Variants in PLAG1 observed in about 807,000 individuals in gnomAD.
PLAG1 encodes the protein PLAG1 zinc finger, also known as zinc finger protein PLAG1.
A neutral mutation model predicts 35.5 loss-of-function variants in PLAG1; 7 were observed. The ratio of observed to expected loss-of-function variants is 0.20; its 90% CI spans 0.11 to 0.37. The LOEUF is 0.37. Among genes scored for constraint, PLAG1 ranks in the 10% least tolerant of loss-of-function variants. The probability of loss-of-function intolerance (pLI) is 1.00; values close to 1 mark genes in which losing one functional copy is unlikely to be tolerated. For missense variants in PLAG1, 454 were observed against 602.8 expected, an observed-to-expected ratio of 0.75 and a Z score of 2.58; for synonymous variants, 229 against 225.4, an observed-to-expected ratio of 1.02 and a Z score of -0.14.
chr8:56,167,522 T>C lies in PLAG1; in HGVS notation c.243-19A>G, dbSNP rs1811397071. On this transcript the variant is annotated intron_variant, in intron 4 of 4. Coordinates refer to ENST00000316981, the MANE Select transcript of PLAG1 (RefSeq NM_002655.3). The surrounding 1 kb of genome is among the most constrained non-coding windows in gnomAD (Gnocchi z 5.9). ...CATGTGCCTTTAAACACAGATATAA[T>C]CTATAAGTAGTTATTATGACAAAAA... 2.0e-6 allele frequency: 3 copies of C among 1,523,688 alleles called. No individual in the cohort carries two copies. Among genetic ancestry groups the C allele is most frequent in the Non-Finnish European group, 1.8e-6 (2 of 1,112,948 alleles). The allele number at this position is 1,523,688 out of a possible 1,614,324, so 94.4% of individuals were successfully genotyped here.
chr8:56,200,585 T>G (rs1812519298), intron 1 of PLAG1, among the ~76,000 whole-genome samples: 1 of 152,216 alleles, frequency 6.6e-6, no homozygotes. Flanking sequence ...TGCACATTCC[T>G]CAGGCTGGTA....
At position 56,202,358 on chromosome 8, in the gene PLAG1, A is replaced by C. The variant is rs576281737; in HGVS notation, c.-322+8763T>G. Among the ~76,000 whole-genome samples the C allele has an allele frequency of 5.3e-5, 8 of 152,330 alleles. No homozygotes were observed. In the East Asian group the frequency reaches 1.5e-3, roughly 29 times the overall value. On this transcript the variant is annotated intron_variant, in intron 1 of 4. Coordinates refer to ENST00000316981, the MANE Select transcript of PLAG1 (RefSeq NM_002655.3). Reference sequence around the variant, plus strand: ...TGCTTGATTTTAAAAAGCACAGAAAACTAGTCTACGTAAGGCACTGCCATA... The same window carrying C: ...TGCTTGATTTTAAAAAGCACAGAAACCTAGTCTACGTAAGGCACTGCCATA...
chr8:56,171,516 C>T (rs1811522458), intron 2 of PLAG1: 1 of 152,106 alleles, frequency 6.6e-6, no homozygotes, highest in African/African-American at 2.4e-5. Flanking sequence ...TGTTTATAAA[C>T]CAAATGATCA....
chr8:56,190,950 G>A (rs1055061170), intron 1 of PLAG1, among the ~76,000 whole-genome samples: 5 of 152,162 alleles, frequency 3.3e-5, no homozygotes, highest in Admixed American at 6.5e-5. Context: ...GAAATAGCAC[G>A]TGCAAGGGCA....
At chr8:56,184,822 C>T (rs1811976613) in intron 1 of PLAG1, among the ~76,000 whole-genome samples, 1 of 152,066 alleles carries the variant, frequency 6.6e-6, no homozygotes, top group Admixed American at 6.5e-5. Flanking sequence ...GAGGCTGAGG[C>T]AAGAGAATCA....
chr8:56,169,985 C>A (rs1811471811), intron 3 of PLAG1, among the ~76,000 whole-genome samples: 1 of 152,242 alleles, frequency 6.6e-6, no homozygotes, highest in Admixed American at 6.5e-5. Context: ...ATTAGACTGA[C>A]TTTCACGGAT....
In PLAG1 at chr8:56,165,431, T is replaced by C. The variant is rs1296349081; in HGVS notation, c.*812A>G. 4.6e-6 allele frequency: 1 copy of C among 216,942 alleles called. No individual in the cohort carries two copies. Among genetic ancestry groups the C allele is most frequent in the Non-Finnish European group, 9.3e-6 (1 of 107,778 alleles). The allele number at this position is 216,942 out of a possible 1,614,324, so 13.4% of individuals were successfully genotyped here. A position where few individuals can be genotyped will look rare whatever the true frequency, so the allele number is the denominator to read the frequency against. On this transcript the variant is annotated 3_prime_UTR_variant, in exon 5 of 5. Transcript: ENST00000316981. ...GGAAAAGACTAAAGAGATCTACCTA[T>C]ATATCGACTCTGAAGACCCCAATGC...
chr8:56,166,506 G>T lies in PLAG1; in HGVS notation c.1240C>A (p.Pro414Thr), dbSNP rs530479586. ...SISISDPLNT[P>T]ALDFSQLFNF... ...AACAACTGAGAAAAATCCAATGCTG[G>T]TGTGTTTAGGGGGTCACTGATGGAG... is the stretch of plus-strand genomic sequence containing the variant. The change falls in exon 5 of 5, where the codon CCA (proline) becomes ACA (threonine). Residue 414 changes from proline to threonine, a missense_variant. Coordinates refer to ENST00000316981, the MANE Select transcript of PLAG1 (RefSeq NM_002655.3). 5 of 1,614,036 alleles carry T rather than the reference G, an allele frequency of 3.1e-6. No homozygotes were observed. The Admixed American group carries it at 6.7e-5, about 22-fold the overall frequency.
At chr8:56,190,056 T>A (rs1278533644) in intron 1 of PLAG1, among the ~76,000 whole-genome samples, 1 of 152,230 alleles carries the variant, frequency 6.6e-6, no homozygotes, top group African/African-American at 2.4e-5. Flanking sequence ...TCAAGTGGAC[T>A]AGCTCTCGGC....
At chr8:56,208,586 G>T (rs1430336326) in intron 1 of PLAG1, among the ~76,000 whole-genome samples, 1 of 152,068 alleles carries the variant, frequency 6.6e-6, no homozygotes, top group Non-Finnish European at 1.5e-5. Context: ...TATATAAGAA[G>T]TCTAAAAATT....
chr8:56,203,715 C>G (rs952974500), intron 1 of PLAG1, among the ~76,000 whole-genome samples: 2 of 152,054 alleles, frequency 1.3e-5, no homozygotes, highest in African/African-American at 4.8e-5. Flanking sequence ...GCTTCCACCA[C>G]TCTTGGTGTA....
intron 1 of PLAG1, among the ~76,000 whole-genome samples, chr8:56,189,742 G>GA (rs2129230509): frequency 6.6e-6 from 1 of 152,330 alleles, no homozygotes; most frequent in Admixed American, 6.5e-5. Flanking sequence ...AGAGCCAACT[G>GA]AACTGAGATT....
chr8:56,200,043 T>C (rs1812505279), intron 1 of PLAG1, among the ~76,000 whole-genome samples: 1 of 152,134 alleles, frequency 6.6e-6, no homozygotes, highest in South Asian at 2.1e-4. Context: ...TGTCTCCCTT[T>C]CTAGCTTTCT....
At chr8:56,195,861 C>CT (rs1812346751) in intron 1 of PLAG1, among the ~76,000 whole-genome samples, 1 of 152,164 alleles carries the variant, frequency 6.6e-6, no homozygotes, top group Non-Finnish European at 1.5e-5. Flanking sequence ...CAAGTCTCTC[C>CT]TTTGAGCTGT....
At chr8:56,181,064 A>G (rs1368166249) in intron 1 of PLAG1, among the ~76,000 whole-genome samples, 1 of 152,214 alleles carries the variant, frequency 6.6e-6, no homozygotes, top group East Asian at 1.9e-4. Flanking sequence ...TAGTCAGGAA[A>G]CAACAGATGC....
At chr8:56,172,499 G>A (rs1407713059) in intron 2 of PLAG1, among the ~76,000 whole-genome samples, 1 of 152,054 alleles carries the variant, frequency 6.6e-6, no homozygotes, top group Non-Finnish European at 1.5e-5. Context: ...TTTTTTGTAG[G>A]GTAATTACGA....
At chr8:56,203,860 C>G (rs1291087160) in intron 1 of PLAG1, among the ~76,000 whole-genome samples, 1 of 151,848 alleles carries the variant, frequency 6.6e-6, no homozygotes, top group Non-Finnish European at 1.5e-5. Flanking sequence ...ATTAAATTAC[C>G]TCAGTCTATG....
chr8:56,190,800 C>T (rs143389284), intron 1 of PLAG1, among the ~76,000 whole-genome samples: 103 of 152,032 alleles, frequency 6.8e-4, no homozygotes, highest in African/African-American at 2.4e-3. Flanking sequence ...TGTGCAGATG[C>T]CAAACCAAAG....
intron 1 of PLAG1, among the ~76,000 whole-genome samples, chr8:56,196,169 G>A (rs1411573716): frequency 6.6e-6 from 1 of 152,146 alleles, no homozygotes; most frequent in African/African-American, 2.4e-5. Flanking sequence ...TATATAAATG[G>A]CATGAAATAA....
Sources: allele counts gnomAD v4.1 joint callset (sites outside exome capture counted in the v4.1 genomes callset), GRCh38; gene constraint gnomAD v4.1.1; non-coding constraint Gnocchi (gnomAD v3.1); transcripts MANE v1.5; gene names NCBI Gene and HGNC (gene_info 2026-07-23, HGNC 2026-07-21).